The following BMPR1A variants were observed in gnomAD, a reference collection of about 807,000 sequenced individuals.
The protein encoded by BMPR1A is bone morphogenetic protein receptor type 1A.
Under a neutral mutation model 66.0 loss-of-function variants are expected in BMPR1A, and 7 were observed. The ratio of observed to expected loss-of-function variants is 0.11; its 90% CI spans 0.06 to 0.20. The LOEUF (loss-of-function observed/expected upper bound fraction) is 0.20, where lower values mean the gene tolerates loss of function less well. BMPR1A is among the 10% of genes least tolerant of loss of function. The pLI is 1.00. For missense variants in BMPR1A, 408 were observed against 669.1 expected (o/e 0.61, Z 4.31); for synonymous variants, 200 against 229.7 (o/e 0.87, Z 1.17).
At chr10:86,816,571 A>G (rs2132974904) in intron 1 of BMPR1A, among the ~76,000 whole-genome samples, 1 of 152,358 alleles carries the variant, frequency 6.6e-6, no homozygotes, top group African/African-American at 2.4e-5. Context: ...CTACTGGATC[A>G]GGAGATACAC....
In BMPR1A at chr10:86,757,020, G is replaced by C. The variant is rs968994037; in HGVS notation, c.-268+101G>C. 4.0e-5 allele frequency: 6 copies of C among 150,970 alleles called. No individual in the cohort carries two copies. The South Asian group carries it at 1.0e-3, about 26-fold the overall frequency. 9.4% of individuals were successfully genotyped at this position (150,970 alleles called of 1,614,324 possible). On this transcript the variant is annotated intron_variant, in intron 1 of 12. Coordinates refer to ENST00000372037, the MANE Select transcript of BMPR1A (RefSeq NM_004329.3). ...AGAGGCAGCTGGGCGCGCGGTGGCCGGAGCCAGGGGCTGCCCGGCCCGGCC... is the reference window on the plus strand; with the variant it reads ...AGAGGCAGCTGGGCGCGCGGTGGCCCGAGCCAGGGGCTGCCCGGCCCGGCC...
At chr10:86,836,642 A>G (rs974207375) in intron 1 of BMPR1A, among the ~76,000 whole-genome samples, 11 of 152,182 alleles carry the variant, frequency 7.2e-5, no homozygotes, top group African/African-American at 1.4e-4. Flanking sequence ...TACAAAAAAT[A>G]TAAAAATTAA....
intron 1 of BMPR1A, among the ~76,000 whole-genome samples, chr10:86,815,294 G>T (rs1842021127): frequency 6.6e-6 from 1 of 152,132 alleles, no homozygotes; most frequent in Admixed American, 6.5e-5. Flanking sequence ...TCACTTTTAT[G>T]TGGGCCTCCT....
chr10:86,895,308 C>T (rs532535791), intron 5 of BMPR1A, among the ~76,000 whole-genome samples: 6 of 152,052 alleles, frequency 3.9e-5, no homozygotes, highest in South Asian at 2.1e-4. Context: ...GAGGCCGAGG[C>T]GAGCAGATCA....
At chr10:86,857,617 G>C (rs930158855) in intron 2 of BMPR1A, among the ~76,000 whole-genome samples, 1 of 151,730 alleles carries the variant, frequency 6.6e-6, no homozygotes, top group Non-Finnish European at 1.5e-5. Flanking sequence ...AGCCTGACTC[G>C]GGGAGAATAC....
intron 1 of BMPR1A, among the ~76,000 whole-genome samples, chr10:86,769,965 TG>T (rs1410829578): frequency 1.3e-5 from 2 of 152,118 alleles, no homozygotes; most frequent in Admixed American, 6.5e-5. Flanking sequence ...CCAGGCAGGC[TG>T]TGCTGGACAG....
intron 2 of BMPR1A, among the ~76,000 whole-genome samples, chr10:86,845,996 CAA>C (rs879412518): frequency 7.7e-6 from 1 of 129,194 alleles, no homozygotes. Context: ...GACTCCGTCT[CAA>C]AAAAAAAAAA....
chr10:86,799,132 T>C (rs1398362575), intron 1 of BMPR1A, among the ~76,000 whole-genome samples: 2 of 152,226 alleles, frequency 1.3e-5, no homozygotes, highest in Non-Finnish European at 1.5e-5. Flanking sequence ...CAAAGGATAT[T>C]GTCCTTCAAA....
chr10:86,848,445 T>C lies in BMPR1A; in HGVS notation c.-153+9466T>C, dbSNP rs1330602704. Among the ~76,000 whole-genome samples, 4 of 152,134 alleles carry C rather than the reference T, an allele frequency of 2.6e-5. No individual in the cohort carries two copies. The East Asian group carries it at 7.7e-4, about 29-fold the overall frequency. On this transcript the variant is annotated intron_variant, in intron 2 of 12. Transcript: ENST00000372037. ...TTGGTAGGCCTCCTTGTACTTCGTA[T>C]TATTTATTTGTTCTTTATTTTTGTG...
rs531945170 is a variant in BMPR1A, at chr10:86,901,927, C to T, written c.530+1801C>T. 2.1e-3 allele frequency among the ~76,000 whole-genome samples: 313 copies of T among 151,946 alleles called. 3 individuals are homozygous for T. The highest frequency in any genetic ancestry group is 0.014 in the Middle Eastern group (4 of 294). ...TCTCCCAGGTGGAGTGCAGTGATCT[C>T]GGCTCACTGCAATCTCTGCCTCCCA... On this transcript the variant is annotated intron_variant, in intron 7 of 12. Coordinates refer to ENST00000372037, the MANE Select transcript of BMPR1A (RefSeq NM_004329.3).
chr10:86,787,839 C>G (rs1564684432), intron 1 of BMPR1A, among the ~76,000 whole-genome samples: 1 of 152,048 alleles, frequency 6.6e-6, no homozygotes, highest in African/African-American at 2.4e-5. Flanking sequence ...GCTTCCAGAT[C>G]TCTTGAGAAC....
At chr10:86,766,647 GCT>G (rs1431401628) in intron 1 of BMPR1A, among the ~76,000 whole-genome samples, 1 of 137,482 alleles carries the variant, frequency 7.3e-6, no homozygotes, top group Non-Finnish European at 1.5e-5. Context: ...ACGGAGTCTC[GCT>G]CTTTCACCCA....
At chr10:86,842,964 G>T (rs1842445129) in intron 2 of BMPR1A, among the ~76,000 whole-genome samples, 1 of 152,182 alleles carries the variant, frequency 6.6e-6, no homozygotes, top group Non-Finnish European at 1.5e-5. Flanking sequence ...TACAATTCAA[G>T]AGGAGATTTG....
chr10:86,818,753 T>C (rs1842072678), intron 1 of BMPR1A, among the ~76,000 whole-genome samples: 1 of 152,244 alleles, frequency 6.6e-6, no homozygotes, highest in Non-Finnish European at 1.5e-5. Context: ...ATTCAGACTG[T>C]GTACCTGTGA....
intron 7 of BMPR1A, among the ~76,000 whole-genome samples, chr10:86,902,116 T>G (rs1843319481): frequency 6.6e-6 from 1 of 152,120 alleles, no homozygotes; most frequent in Non-Finnish European, 1.5e-5. Flanking sequence ...CACCTCGCCC[T>G]CCCAAATTGC....
At chr10:86,855,886 T>C in intron 2 of BMPR1A, 1 of 688,488 alleles carries the variant, frequency 1.5e-6, no homozygotes, top group Non-Finnish European at 2.6e-6. Flanking sequence ...TGCTAGAAGA[T>C]TCATATTGCT....
chr10:86,887,303 G>A (rs1843079791), intron 3 of BMPR1A, among the ~76,000 whole-genome samples: 1 of 152,074 alleles, frequency 6.6e-6, no homozygotes, highest in African/African-American at 2.4e-5. Flanking sequence ...GTATTCTGTT[G>A]AATATTTGGC....
intron 3 of BMPR1A, among the ~76,000 whole-genome samples, chr10:86,879,891 A>G (rs1372881806): frequency 2.6e-5 from 4 of 152,214 alleles, no homozygotes; most frequent in African/African-American, 9.6e-5. Flanking sequence ...ACTGCTCCAT[A>G]GCATGTAGAT....
chr10:86,884,966 A>G (rs912841572), intron 3 of BMPR1A, among the ~76,000 whole-genome samples: 1 of 152,242 alleles, frequency 6.6e-6, no homozygotes, highest in Non-Finnish European at 1.5e-5. Flanking sequence ...CAAAAGTGTC[A>G]TAAAATAAGC....
Sources: gnomAD v4.1 joint callset for allele counts (sites outside exome capture counted in the v4.1 genomes callset) on GRCh38, gnomAD v4.1.1 for gene constraint, MANE v1.5 for transcripts, NCBI Gene and HGNC (gene_info 2026-07-23, HGNC 2026-07-21) for gene names.